BRINP3: variants seen among roughly 807,000 people sequenced by gnomAD.
The protein encoded by BRINP3 is BMP/retinoic acid-inducible neural-specific protein 3.
In BRINP3, 19 loss-of-function variants were observed where a neutral mutation model predicts 71.0. The ratio of observed to expected loss-of-function variants is 0.27; its 90% CI spans 0.19 to 0.39. BRINP3 has a LOEUF of 0.39. Among genes scored for constraint, BRINP3 ranks in the 10% least tolerant of loss-of-function variants. The probability of loss-of-function intolerance (pLI) is 1.00; values close to 1 mark genes in which losing one functional copy is unlikely to be tolerated. For synonymous variants in BRINP3, 380 were observed against 337.7 expected, an observed-to-expected ratio of 1.13 and a Z score of -1.37; for missense variants, 959 against 940.8, an observed-to-expected ratio of 1.02 and a Z score of -0.25.
chr1:190,163,614 C>T (rs1056050776), intron 6 of BRINP3, among the ~76,000 whole-genome samples: 4 of 148,888 alleles, frequency 2.7e-5, no homozygotes, highest in Admixed American at 6.8e-5. Context: ...AATAATAATA[C>T]GTAGTGAAAT....
chr1:190,307,273 T>TTG (rs1665182070), intron 2 of BRINP3, among the ~76,000 whole-genome samples: 2 of 126,356 alleles, frequency 1.6e-5, no homozygotes, highest in South Asian at 5.6e-4. Flanking sequence ...TTTTTTTTTT[T>TTG]TTTTTTTTTT....
chr1:190,200,136 T>C (rs896949154), intron 6 of BRINP3, among the ~76,000 whole-genome samples: 2 of 152,120 alleles, frequency 1.3e-5, no homozygotes, highest in African/African-American at 4.8e-5. Flanking sequence ...ACTCAGAGTC[T>C]ACCTGTGCCT....
At chr1:190,442,666 G>T (rs971947304) in intron 2 of BRINP3, among the ~76,000 whole-genome samples, 3 of 151,916 alleles carry the variant, frequency 2.0e-5, no homozygotes, top group Non-Finnish European at 2.9e-5. Flanking sequence ...GTGTGTGTGT[G>T]ATTACGTGTG....
At chr1:190,308,901 TA>T (rs1386200702) in intron 2 of BRINP3, among the ~76,000 whole-genome samples, 1 of 151,872 alleles carries the variant, frequency 6.6e-6, no homozygotes, top group Non-Finnish European at 1.5e-5. Flanking sequence ...GACATAAAAT[TA>T]AAAACAGAAT....
At chr1:190,334,696 G>C (rs1667174696) in intron 2 of BRINP3, among the ~76,000 whole-genome samples, 1 of 151,702 alleles carries the variant, frequency 6.6e-6, no homozygotes. Flanking sequence ...TGTTTAAATG[G>C]CATGTAATTA....
At chr1:190,100,084 C>A (rs1486114673) in intron 7 of BRINP3, among the ~76,000 whole-genome samples, 1 of 152,086 alleles carries the variant, frequency 6.6e-6, no homozygotes, top group African/African-American at 2.4e-5. Context: ...ACACAGTTCT[C>A]TCATATGAAA....
intron 2 of BRINP3, among the ~76,000 whole-genome samples, chr1:190,445,153 A>T (rs757965524): frequency 1.1e-4 from 16 of 152,150 alleles, no homozygotes; most frequent in Non-Finnish European, 1.9e-4. Context: ...AATTAAAAAA[A>T]TAGGCAGCAT....
intron 2 of BRINP3, among the ~76,000 whole-genome samples, chr1:190,292,862 A>G (rs1304026848): frequency 6.6e-6 from 1 of 151,772 alleles, no homozygotes; most frequent in Non-Finnish European, 1.5e-5. Context: ...GTCTCTAACA[A>G]TCTTTTGTAT....
At chr1:190,236,215 TAGAG>T (rs571820607) in intron 4 of BRINP3, among the ~76,000 whole-genome samples, 152 of 152,116 alleles carry the variant, frequency 1.0e-3, no homozygotes, top group African/African-American at 3.4e-3. Context: ...TGTTTATTGA[TAGAG>T]AGAAAGGCCA....
chr1:190,199,982 C>T (rs1654859068), intron 6 of BRINP3, among the ~76,000 whole-genome samples: 1 of 152,052 alleles, frequency 6.6e-6, no homozygotes, highest in African/African-American at 2.4e-5. Flanking sequence ...TATGATACTG[C>T]AGTCCTGGTA....
At chr1:190,300,663 G>T (rs992935095) in intron 2 of BRINP3, among the ~76,000 whole-genome samples, 2 of 152,006 alleles carry the variant, frequency 1.3e-5, no homozygotes, top group Non-Finnish European at 2.9e-5. Context: ...CCCAGCAGGG[G>T]CAGACTGACA....
At position 190,339,375 on chromosome 1, in the gene BRINP3, G is replaced by A. The variant is rs552973759; in HGVS notation, c.237-57625C>T. On this transcript the variant is annotated intron_variant, in intron 2 of 7. Coordinates refer to ENST00000367462, the MANE Select transcript of BRINP3 (RefSeq NM_199051.3). ...CTGGTAGAAACCCTGATAACATTGA[G>A]AACTCTTACACATCTTTCTACAGTA... Among the ~76,000 whole-genome samples the A allele has an allele frequency of 8.6e-5, 13 of 152,020 alleles. No homozygotes were observed. In the South Asian group the frequency reaches 2.7e-3, roughly 32 times the overall value.
intron 1 of BRINP3, among the ~76,000 whole-genome samples, chr1:190,468,857 C>A (rs1448090265): frequency 6.6e-6 from 1 of 150,558 alleles, no homozygotes; most frequent in South Asian, 2.1e-4. Context: ...TTTGAATGTC[C>A]TTTAAATTTT....
chr1:190,254,240 G>T (rs1660432239), intron 4 of BRINP3, among the ~76,000 whole-genome samples: 1 of 151,774 alleles, frequency 6.6e-6, no homozygotes, highest in Non-Finnish European at 1.5e-5. Context: ...GGATTGTCTT[G>T]GCAATGCAGG....
chr1:190,156,407 T>C (rs906399511), intron 7 of BRINP3, among the ~76,000 whole-genome samples: 2 of 152,102 alleles, frequency 1.3e-5, no homozygotes, highest in African/African-American at 4.8e-5. Flanking sequence ...GAATTACTGG[T>C]ATGGCTTATC....
chr1:190,376,123 C>T (rs1670167234), intron 2 of BRINP3, among the ~76,000 whole-genome samples: 2 of 151,822 alleles, frequency 1.3e-5, no homozygotes, highest in African/African-American at 4.8e-5. Context: ...AATTCTGCCT[C>T]TTCAGGGTTT....
At chr1:190,255,024 A>G (rs1660522009) in intron 4 of BRINP3, among the ~76,000 whole-genome samples, 1 of 149,882 alleles carries the variant, frequency 6.7e-6, no homozygotes. Flanking sequence ...ATCAATTGAG[A>G]TAATCATGTG....
intron 2 of BRINP3, among the ~76,000 whole-genome samples, chr1:190,334,913 G>T (rs2103091312): frequency 1.3e-5 from 2 of 151,834 alleles, no homozygotes; most frequent in Admixed American, 1.3e-4. Context: ...GAAGAAAAAA[G>T]CATGAAAGAC....
At chr1:190,323,923 G>T (rs1031014071) in intron 2 of BRINP3, among the ~76,000 whole-genome samples, 1 of 151,816 alleles carries the variant, frequency 6.6e-6, no homozygotes, top group African/African-American at 2.4e-5. Flanking sequence ...ATAAATTGTT[G>T]TTGAAAAGAA....
Sources: allele counts gnomAD v4.1 joint callset (sites outside exome capture counted in the v4.1 genomes callset), GRCh38; gene constraint gnomAD v4.1.1; transcripts MANE v1.5; gene names NCBI Gene and HGNC (gene_info 2026-07-23, HGNC 2026-07-21).